Variants in LDAH observed in about 807,000 individuals in gnomAD.
LDAH encodes the protein lipid droplet associated hydrolase, also known as lipid droplet-associated hydrolase.
In LDAH, 26 loss-of-function variants were observed where a neutral mutation model predicts 29.6. That is an observed-to-expected ratio of 0.88 (90% CI 0.64 to 1.22). LDAH has a LOEUF of 1.22. Among genes scored for constraint, LDAH ranks in the 50% most tolerant of loss-of-function variants. LDAH has a pLI of 0.00. For missense variants in LDAH, 344 were observed against 387.3 expected (o/e 0.89, Z 0.94); for synonymous variants, 117 against 133.0 (o/e 0.88, Z 0.83).
rs756508925 is a variant in LDAH, at chr2:20,720,231, A to G, written c.704-18579T>C. Among the ~76,000 whole-genome samples the G allele has an allele frequency of 8.5e-5, 13 of 152,088 alleles. 1 individual carries two copies. Among genetic ancestry groups the G allele is most frequent in the Non-Finnish European group, 1.8e-4 (12 of 67,976 alleles). On this transcript the variant is annotated intron_variant, in intron 5 of 6. Transcript: ENST00000237822. ...TAAAACCTAAAGACTCCATCAAAAA[A>G]CTCTCAGAACTGATAAATAAAGATA...
At chr2:20,696,612 C>A (rs139072015) in intron 6 of LDAH, among the ~76,000 whole-genome samples, 9 of 152,262 alleles carry the variant, frequency 5.9e-5, no homozygotes, top group South Asian at 2.1e-4. Context: ...GAATTCCCCC[C>A]CTAAGTGGGT....
intron 5 of LDAH, among the ~76,000 whole-genome samples, chr2:20,703,359 C>T (rs1285681884): frequency 6.6e-6 from 1 of 152,080 alleles, no homozygotes; most frequent in African/African-American, 2.4e-5. Flanking sequence ...TAAACACTTA[C>T]GATCATCTTG....
intron 4 of LDAH, among the ~76,000 whole-genome samples, chr2:20,749,482 G>T (rs1328758976): frequency 6.6e-6 from 1 of 152,152 alleles, no homozygotes; most frequent in Non-Finnish European, 1.5e-5. Context: ...TCCGTGACAG[G>T]GTTTCAGGCC....
intron 4 of LDAH, among the ~76,000 whole-genome samples, chr2:20,762,176 G>A (rs1668733407): frequency 1.3e-5 from 2 of 151,910 alleles, no homozygotes; most frequent in Admixed American, 1.3e-4. Flanking sequence ...TTGCCTTTAA[G>A]GTTGGACATT....
intron 2 of LDAH, among the ~76,000 whole-genome samples, chr2:20,800,441 G>A (rs1016352331): frequency 2.6e-5 from 4 of 152,054 alleles, no homozygotes; most frequent in South Asian, 4.1e-4. Context: ...CAAGGGTTTC[G>A]AACTGGCAAT....
At chr2:20,771,777 CACATTATTTTCTA>C (rs1669446572) in intron 4 of LDAH, among the ~76,000 whole-genome samples, 1 of 1,578 alleles carries the variant, frequency 6.3e-4, no homozygotes, top group Non-Finnish European at 5.0e-3. Context: ...ATTTATTGCA[CACATTATTTTCTA>C]GCTTACACCC....
intron 1 of LDAH, among the ~76,000 whole-genome samples, chr2:20,820,213 C>A (rs1464973461): frequency 6.6e-6 from 1 of 151,990 alleles, no homozygotes; most frequent in African/African-American, 2.4e-5. Context: ...AGATTCAATG[C>A]CATCCCCATC....
In LDAH at chr2:20,740,122, G is replaced by A. The variant is rs1178669480; in HGVS notation, c.552C>T (p.Cys184=). Residue 184 remains cysteine (C), a synonymous_variant, in exon 5 of 7, where the codon TGC becomes TGT. Coordinates refer to ENST00000237822, the MANE Select transcript of LDAH (RefSeq NM_021925.4). ...TAACATAGAGAACATATCGAAACCA[G>A]CACAAAAGTGGAGTGGCAATTCTGC... ...PNGRIATPLL[C]WFRYVLYVTG... The A allele has an allele frequency of 2.5e-6, 4 of 1,614,006 alleles. No individual in the cohort carries two copies. Among genetic ancestry groups the A allele is most frequent in the Non-Finnish European group, 3.4e-6 (4 of 1,179,994 alleles).
chr2:20,736,766 C>A (rs544753652), intron 5 of LDAH, among the ~76,000 whole-genome samples: 1 of 151,380 alleles, frequency 6.6e-6, no homozygotes, highest in African/African-American at 2.5e-5. Flanking sequence ...ATCTGCACAA[C>A]AAACTTGTCT....
At chr2:20,749,158 A>C (rs750284345) in intron 4 of LDAH, among the ~76,000 whole-genome samples, 5 of 152,148 alleles carry the variant, frequency 3.3e-5, no homozygotes, top group African/African-American at 7.2e-5. Flanking sequence ...CATAAAGTCT[A>C]GTGGGAGAGA....
At chr2:20,727,510 G>A (rs1053356574) in intron 5 of LDAH, among the ~76,000 whole-genome samples, 7 of 152,132 alleles carry the variant, frequency 4.6e-5, no homozygotes, top group Admixed American at 1.3e-4. Context: ...ACAAAGTAAT[G>A]TAATCTACCA....
intron 4 of LDAH, among the ~76,000 whole-genome samples, chr2:20,765,158 T>C (rs1409500876): frequency 6.6e-6 from 1 of 152,182 alleles, no homozygotes; most frequent in Non-Finnish European, 1.5e-5. Context: ...AAAAGACAAA[T>C]GGAAGGAAAC....
chr2:20,808,945 C>G (rs1166639305), intron 1 of LDAH, among the ~76,000 whole-genome samples: 2 of 152,152 alleles, frequency 1.3e-5, no homozygotes, highest in African/African-American at 4.8e-5. Flanking sequence ...ACTCCTTTCT[C>G]ACACCACAGA....
intron 2 of LDAH, among the ~76,000 whole-genome samples, chr2:20,791,192 A>G (rs536465583): frequency 6.6e-6 from 1 of 152,302 alleles, no homozygotes; most frequent in Non-Finnish European, 1.5e-5. Context: ...TCAGTTTGCT[A>G]GATAAGCAGT....
chr2:20,760,873 G>A (rs999593575), intron 4 of LDAH, among the ~76,000 whole-genome samples: 1 of 152,152 alleles, frequency 6.6e-6, no homozygotes, highest in African/African-American at 2.4e-5. Flanking sequence ...CACTTATGGA[G>A]GGGATTACGT....
chr2:20,814,229 T>TGA lies in LDAH; in HGVS notation c.-3+8807_-3+8808insTC, dbSNP rs1491409261. Reference sequence around the variant, plus strand: ...GTTATACTGTCAGTGAGTCTGACAATGGGGGGGGGGGGTCCATGGTTTATT... The same window carrying TGA: ...GTTATACTGTCAGTGAGTCTGACAATGAGGGGGGGGGGGGTCCATGGTTTATT... On this transcript the variant is annotated intron_variant, in intron 1 of 6. Transcript: ENST00000237822. Among the ~76,000 whole-genome samples the TGA allele has an allele frequency of 5.4e-3, 711 of 132,364 alleles. 9 individuals are homozygous for TGA. The highest frequency in any genetic ancestry group is 0.018 in the African/African-American group (661 of 36,826). The allele number at this position is 132,364 out of a possible 152,430, so 86.8% of individuals were successfully genotyped here. A position where few individuals can be genotyped will look rare whatever the true frequency, so the allele number is the denominator to read the frequency against.
intron 1 of LDAH, among the ~76,000 whole-genome samples, chr2:20,820,418 T>G (rs1422574463): frequency 6.6e-6 from 1 of 152,010 alleles, no homozygotes; most frequent in Non-Finnish European, 1.5e-5. Flanking sequence ...AAAACAGAGA[T>G]ATAGATCAAT....
At chr2:20,759,537 G>T (rs1668541497) in intron 4 of LDAH, among the ~76,000 whole-genome samples, 1 of 152,158 alleles carries the variant, frequency 6.6e-6, no homozygotes, top group Admixed American at 6.5e-5. Context: ...CAAGCTGGAA[G>T]TGAGCGTAAA....
intron 3 of LDAH, chr2:20,789,123 CA>C: frequency 6.5e-7 from 1 of 1,550,234 alleles, no homozygotes; most frequent in South Asian, 1.2e-5. Flanking sequence ...GCCCTAAATC[CA>C]AATTTTATTC....
Sources: gnomAD v4.1 joint callset for allele counts (sites outside exome capture counted in the v4.1 genomes callset) on GRCh38, gnomAD v4.1.1 for gene constraint, MANE v1.5 for transcripts, NCBI Gene and HGNC (gene_info 2026-07-23, HGNC 2026-07-21) for gene names.